OSBPL1A: variants seen among roughly 807,000 people sequenced by gnomAD.
The protein encoded by OSBPL1A is oxysterol-binding protein-related protein 1.
A neutral mutation model predicts 137.1 loss-of-function variants in OSBPL1A; 80 were observed. The ratio of observed to expected loss-of-function variants is 0.58; its 90% CI spans 0.49 to 0.70. The LOEUF is 0.70. Ranked by LOEUF, OSBPL1A falls within the 30% of genes least tolerant of loss-of-function variation. The pLI, the probability that OSBPL1A is intolerant of heterozygous loss-of-function variation, is 0.00. For synonymous variants in OSBPL1A, 365 were observed against 389.7 expected (o/e 0.94, Z 0.75); for missense variants, 970 against 1,129.4 (o/e 0.86, Z 2.02).
chr18:24,390,427 T>C (rs1394248678), intron 1 of OSBPL1A, among the ~76,000 whole-genome samples: 1 of 152,154 alleles, frequency 6.6e-6, no homozygotes, highest in Non-Finnish European at 1.5e-5. Flanking sequence ...GCGTGGTGGC[T>C]CATGCCTATA....
intron 15 of OSBPL1A, among the ~76,000 whole-genome samples, chr18:24,258,207 G>A (rs2089340005): frequency 6.6e-6 from 1 of 152,114 alleles, no homozygotes; most frequent in Non-Finnish European, 1.5e-5. Context: ...GCCAAGATTT[G>A]GAAGCAACCT....
chr18:24,273,876 T>C (rs2146062370), intron 15 of OSBPL1A, among the ~76,000 whole-genome samples: 2 of 152,044 alleles, frequency 1.3e-5, no homozygotes, highest in South Asian at 4.2e-4. Context: ...AGAACAGCAA[T>C]GGGGAACTGT....
chr18:24,247,006 T>G (rs1051979575), intron 15 of OSBPL1A, among the ~76,000 whole-genome samples: 3 of 152,156 alleles, frequency 2.0e-5, no homozygotes, highest in Non-Finnish European at 2.9e-5. Context: ...ACAAGGACTG[T>G]GTCTCAAAAA....
chr18:24,217,956 A>G (rs191973358), intron 17 of OSBPL1A, among the ~76,000 whole-genome samples: 3 of 152,308 alleles, frequency 2.0e-5, no homozygotes, highest in African/African-American at 7.2e-5. Flanking sequence ...AACCAGCAAT[A>G]TCCAGATGGT....
intron 5 of OSBPL1A, among the ~76,000 whole-genome samples, chr18:24,335,793 T>C (rs2091165567): frequency 6.6e-6 from 1 of 152,368 alleles, no homozygotes. Flanking sequence ...CACGTACCAT[T>C]GCATTTAAAC....
At chr18:24,368,087 A>T in intron 3 of OSBPL1A, 200 bp downstream of exon 3, 1 of 378,302 alleles carries the variant, frequency 2.6e-6, no homozygotes, top group East Asian at 4.0e-5. Context: ...AAATCTAATG[A>T]TTAAACATAC....
At chr18:24,245,684 G>C (rs868771661) in intron 15 of OSBPL1A, among the ~76,000 whole-genome samples, 3 of 152,178 alleles carry the variant, frequency 2.0e-5, no homozygotes, top group Non-Finnish European at 1.5e-5. Flanking sequence ...TTGACCTCCT[G>C]TCTCAGGCAG....
chr18:24,235,975 C>T (rs1311243758), intron 16 of OSBPL1A, among the ~76,000 whole-genome samples: 3 of 152,088 alleles, frequency 2.0e-5, no homozygotes, highest in African/African-American at 7.3e-5. Context: ...CAGAGAGAGA[C>T]TTCCAGATGG....
At chr18:24,166,990 A>G (rs2086158898) in intron 25 of OSBPL1A, among the ~76,000 whole-genome samples, 1 of 152,224 alleles carries the variant, frequency 6.6e-6, no homozygotes, top group South Asian at 2.1e-4. Context: ...TATCTTCATT[A>G]AAATCATTCC....
At chr18:24,223,608 C>G (rs1283041957) in intron 17 of OSBPL1A, among the ~76,000 whole-genome samples, 1 of 152,064 alleles carries the variant, frequency 6.6e-6, no homozygotes, top group East Asian at 1.9e-4. Flanking sequence ...TTGTACCATT[C>G]TGGGTTTGAC....
chr18:24,317,031 T>A, intron 11 of OSBPL1A, 118 bp downstream of exon 11: 1 of 1,000,162 alleles, frequency 1.0e-6, no homozygotes, highest in South Asian at 1.6e-5. Context: ...ATACAAGTGT[T>A]TTCTACAGCA....
At chr18:24,312,652 C>T (rs1385880879) in intron 12 of OSBPL1A, among the ~76,000 whole-genome samples, 14 of 152,080 alleles carry the variant, frequency 9.2e-5, no homozygotes, top group African/African-American at 3.4e-4. Flanking sequence ...CTTACTTTTT[C>T]CTCATTTTCT....
chr18:24,203,070 T>C (rs1041160633), intron 17 of OSBPL1A, among the ~76,000 whole-genome samples: 11 of 152,148 alleles, frequency 7.2e-5, no homozygotes, highest in Admixed American at 6.5e-4. Flanking sequence ...CTCCACCTCC[T>C]GGGTTCAAGC....
At chr18:24,216,150 T>A (rs78444172) in intron 17 of OSBPL1A, among the ~76,000 whole-genome samples, 2,335 of 152,336 alleles carry the variant, frequency 0.015, 62 homozygotes, top group African/African-American at 0.053. Flanking sequence ...CTTGTTTACA[T>A]TTGACAATGT....
chr18:24,251,167 T>G (rs1006112255), intron 15 of OSBPL1A, among the ~76,000 whole-genome samples: 6 of 152,196 alleles, frequency 3.9e-5, no homozygotes, highest in Non-Finnish European at 8.8e-5. Flanking sequence ...TGGACCTATT[T>G]GGGGCCTGGG....
chr18:24,315,056 A>G lies in OSBPL1A; in HGVS notation c.871-709T>C, dbSNP rs112544617. ...ACTATAAAACCCGGATACGAAAGAA[A>G]AGGCAACCACATGGAGGAACCTGGA... On this transcript the variant is annotated intron_variant, in intron 11 of 27. Transcript: ENST00000319481. 1.5e-3 allele frequency among the ~76,000 whole-genome samples: 234 copies of G among 152,282 alleles called. 1 individual carries two copies. The highest frequency in any genetic ancestry group is 5.3e-3 in the African/African-American group (219 of 41,550).
intron 5 of OSBPL1A, among the ~76,000 whole-genome samples, chr18:24,336,440 C>A (rs1228545914): frequency 6.6e-6 from 1 of 152,004 alleles, no homozygotes. Context: ...TCAATGAAAA[C>A]AAATATTCTA....
chr18:24,263,397 TA>T (rs1206295349), intron 15 of OSBPL1A, among the ~76,000 whole-genome samples: 1 of 152,162 alleles, frequency 6.6e-6, no homozygotes, highest in South Asian at 2.1e-4. Context: ...GTTACGATGG[TA>T]AATCATATGT....
At chr18:24,187,046 A>G (rs2086767284) in intron 18 of OSBPL1A, among the ~76,000 whole-genome samples, 1 of 152,208 alleles carries the variant, frequency 6.6e-6, no homozygotes, top group Admixed American at 6.5e-5. Flanking sequence ...TGGATAAGGA[A>G]AAATTGGCGT....
Sources: allele counts gnomAD v4.1 joint callset (sites outside exome capture counted in the v4.1 genomes callset), GRCh38; gene constraint gnomAD v4.1.1; transcripts MANE v1.5; gene names NCBI Gene and HGNC (gene_info 2026-07-23, HGNC 2026-07-21).